The following RPS6KA2 variants were observed in gnomAD, a reference collection of about 807,000 sequenced individuals.
The protein encoded by RPS6KA2 is ribosomal protein S6 kinase alpha-2.
RPS6KA2 carries 42 observed loss-of-function variants against 91.8 expected under a neutral mutation model. That is an observed-to-expected ratio of 0.46 (90% CI 0.36 to 0.59). RPS6KA2 has a LOEUF of 0.59. RPS6KA2 is among the 20% of genes least tolerant of loss of function. The probability of loss-of-function intolerance (pLI) is 0.00; values close to 1 mark genes in which losing one functional copy is unlikely to be tolerated. For synonymous variants in RPS6KA2, 414 were observed against 393.6 expected (o/e 1.05, Z -0.61); for missense variants, 798 against 978.5 (o/e 0.82, Z 2.46).
chr6:166,813,145 T>C (rs1779682179), intron 2 of RPS6KA2, among the ~76,000 whole-genome samples: 1 of 151,924 alleles, frequency 6.6e-6, no homozygotes, highest in African/African-American at 2.4e-5. Context: ...TCCCCACATC[T>C]TTTATAGTAC....
intron 5 of RPS6KA2, among the ~76,000 whole-genome samples, chr6:166,506,655 G>A (rs544983654): frequency 1.5e-4 from 23 of 152,196 alleles, no homozygotes; most frequent in African/African-American, 1.9e-4. Context: ...ACTGCTGGAC[G>A]CAGAGGGACA....
chr6:166,479,726 T>C (rs2128469249), intron 10 of RPS6KA2, among the ~76,000 whole-genome samples: 1 of 152,252 alleles, frequency 6.6e-6, no homozygotes, highest in African/African-American at 2.4e-5. Context: ...ATGAATGAGG[T>C]GAAAGGAAAA....
intron 1 of RPS6KA2, among the ~76,000 whole-genome samples, chr6:166,571,525 G>T (rs147845237): frequency 2.0e-4 from 30 of 152,380 alleles, no homozygotes; most frequent in Non-Finnish European, 1.5e-5. Context: ...GTGCATGAAT[G>T]CACGCACATG....
At chr6:166,702,252 G>T in intron 2 of RPS6KA2, 1 of 1,613,094 alleles carries the variant, frequency 6.2e-7, no homozygotes, top group Non-Finnish European at 8.5e-7. Context: ...AAATCACATG[G>T]TTTCTGCTTG....
chr6:166,775,362 T>C (rs1372382223), intron 2 of RPS6KA2, among the ~76,000 whole-genome samples: 8 of 151,308 alleles, frequency 5.3e-5, no homozygotes, highest in African/African-American at 1.5e-4. Flanking sequence ...TTTGCACGTC[T>C]ACCACTAGAT....
At chr6:166,757,724 C>T (rs908823746) in intron 2 of RPS6KA2, 7 of 366,098 alleles carry the variant, frequency 1.9e-5, no homozygotes, top group African/African-American at 1.5e-4. Context: ...TCTTCCCTCC[C>T]CTCACCCCTC....
chr6:166,596,137 C>T (rs1384073794), intron 1 of RPS6KA2, among the ~76,000 whole-genome samples: 5 of 152,118 alleles, frequency 3.3e-5, no homozygotes, highest in Non-Finnish European at 4.4e-5. Flanking sequence ...GTTTGGAAGG[C>T]GGGGCGGCCT....
chr6:166,676,084 G>C (rs969900158), intron 2 of RPS6KA2, among the ~76,000 whole-genome samples: 3 of 152,076 alleles, frequency 2.0e-5, no homozygotes, highest in Non-Finnish European at 2.9e-5. Context: ...GGGAGGCCGA[G>C]GGGGGATGGA....
chr6:166,480,520 ATT>A (rs141424301), intron 10 of RPS6KA2, among the ~76,000 whole-genome samples: 1 of 97,448 alleles, frequency 1.0e-5, no homozygotes, highest in Admixed American at 1.0e-4. Context: ...TATATAATAT[ATT>A]TTTTTTTTTT....
chr6:166,734,878 A>C (rs1790632545), intron 2 of RPS6KA2, among the ~76,000 whole-genome samples: 1 of 152,246 alleles, frequency 6.6e-6, no homozygotes, highest in African/African-American at 2.4e-5. Context: ...GTGTTTTCAC[A>C]TACAGAATGA....
chr6:166,742,991 T>C (rs1790857891), intron 2 of RPS6KA2, among the ~76,000 whole-genome samples: 1 of 152,210 alleles, frequency 6.6e-6, no homozygotes, highest in African/African-American at 2.4e-5. Context: ...GTCACAGAGC[T>C]AGAATACTGG....
At chr6:166,564,442 A>C (rs1172392684) in intron 1 of RPS6KA2, among the ~76,000 whole-genome samples, 3 of 152,122 alleles carry the variant, frequency 2.0e-5, no homozygotes, top group Non-Finnish European at 4.4e-5. Flanking sequence ...ACTCACAAGC[A>C]GCTTCTGTGC....
chr6:166,799,842 T>C lies in RPS6KA2; in HGVS notation c.123+58358A>G, dbSNP rs535209541. Among the ~76,000 whole-genome samples the C allele has an allele frequency of 3.3e-5, 5 of 152,272 alleles. No individual in the cohort carries two copies. In the East Asian group the frequency reaches 9.6e-4, roughly 29 times the overall value. On this transcript the variant is annotated intron_variant, in intron 2 of 21. Coordinates refer to the RPS6KA2 transcript ENST00000503859. ...TTCTTCAGTGGTGATTTCTGCGATC[T>C]GGGTGCCCCTGTCTCCGGAGTAGTG...
At chr6:166,636,268 C>T (rs1189124908) in intron 2 of RPS6KA2, among the ~76,000 whole-genome samples, 1 of 152,114 alleles carries the variant, frequency 6.6e-6, no homozygotes, top group Non-Finnish European at 1.5e-5. Context: ...CTTTGGCTTC[C>T]AGCTTGAATC....
chr6:166,594,946 T>C (rs1785490920), intron 1 of RPS6KA2, among the ~76,000 whole-genome samples: 1 of 152,256 alleles, frequency 6.6e-6, no homozygotes, highest in African/African-American at 2.4e-5. Context: ...AAACTGGGTC[T>C]GGGATTCTAA....
intron 2 of RPS6KA2, among the ~76,000 whole-genome samples, chr6:166,670,586 C>T (rs751213460): frequency 6.1e-5 from 9 of 147,640 alleles, no homozygotes; most frequent in Non-Finnish European, 1.1e-4. Flanking sequence ...CAATGAGTAT[C>T]CCTCCTAAAA....
intron 2 of RPS6KA2, among the ~76,000 whole-genome samples, chr6:166,837,741 C>T (rs1780357646): frequency 6.6e-6 from 1 of 152,226 alleles, no homozygotes; most frequent in South Asian, 2.1e-4. Context: ...GGCCGCCCTG[C>T]TCCCGATAAG....
chr6:166,510,282 T>G lies in RPS6KA2; in HGVS notation c.374A>C (p.His125Pro). The change falls in exon 4 of 21, where the codon CAT (histidine) becomes CCT (proline). Residue 125 changes from histidine (H) to proline (P), a missense_variant. Coordinates refer to ENST00000265678, the MANE Select transcript of RPS6KA2 (RefSeq NM_021135.6). The part of the protein sequence containing the change: ...EVNHPFIVKL[H>P]YAFQTEGKLY... ...GTCATTTTGACTCTACTTACCATAA[T>G]GAAGCTTCACAATGAAGGGGTGATT... 6.3e-7 allele frequency: 1 copy of G among 1,595,370 alleles called. No individual in the cohort carries two copies.
chr6:166,578,032 GCCA>G (rs1456087902), intron 1 of RPS6KA2, among the ~76,000 whole-genome samples: 1 of 152,120 alleles, frequency 6.6e-6, no homozygotes, highest in African/African-American at 2.4e-5. Context: ...TTCTCTTGCT[GCCA>G]CCATATAAGA....
Sources: allele counts gnomAD v4.1 joint callset (sites outside exome capture counted in the v4.1 genomes callset), GRCh38; gene constraint gnomAD v4.1.1; transcripts MANE v1.5; gene names NCBI Gene and HGNC (gene_info 2026-07-23, HGNC 2026-07-21).